The following EPB41L4A variants were observed in gnomAD, a reference collection of about 807,000 sequenced individuals.
EPB41L4A encodes erythrocyte membrane protein band 4.1 like 4A.
In EPB41L4A, 100 loss-of-function variants were observed where a neutral mutation model predicts 108.6. That is an observed-to-expected ratio of 0.92 (90% CI 0.78 to 1.09). The LOEUF is 1.09. Ranked by LOEUF, EPB41L4A falls within the 50% of genes least tolerant of loss-of-function variation. EPB41L4A has a pLI of 0.00. For synonymous variants in EPB41L4A, 319 were observed against 289.0 expected, an observed-to-expected ratio of 1.10 and a Z score of -1.05; for missense variants, 1,030 against 842.7, an observed-to-expected ratio of 1.22 and a Z score of -2.75.
chr5:112,289,021 T>G (rs1317114418), intron 2 of EPB41L4A, among the ~76,000 whole-genome samples: 2 of 152,160 alleles, frequency 1.3e-5, no homozygotes, highest in African/African-American at 4.8e-5. Context: ...AAATAATTTT[T>G]GGTCAGAGGA....
chr5:112,281,432 G>C (rs1752958613), intron 2 of EPB41L4A, among the ~76,000 whole-genome samples: 1 of 152,220 alleles, frequency 6.6e-6, no homozygotes, highest in South Asian at 2.1e-4. Flanking sequence ...GAAGCACAGA[G>C]GGCACTGGAG....
At chr5:112,359,696 A>G (rs1375610369) in intron 1 of EPB41L4A, among the ~76,000 whole-genome samples, 1 of 151,906 alleles carries the variant, frequency 6.6e-6, no homozygotes, top group Non-Finnish European at 1.5e-5. Flanking sequence ...GCCTGCCACC[A>G]CGCCCAGCTA....
intron 1 of EPB41L4A, among the ~76,000 whole-genome samples, chr5:112,382,685 G>T (rs886794813): frequency 8.5e-5 from 13 of 152,146 alleles, no homozygotes. Context: ...GATGTGGGAG[G>T]GTTGGGGGAA....
chr5:112,180,277 A>G (rs956652047), intron 18 of EPB41L4A, among the ~76,000 whole-genome samples: 3 of 152,226 alleles, frequency 2.0e-5, no homozygotes, highest in African/African-American at 7.2e-5. Context: ...ACAATCTTGC[A>G]TAAAGGGGGA....
chr5:112,250,651 G>A (rs1235575167), intron 9 of EPB41L4A: 1 of 152,144 alleles, frequency 6.6e-6, no homozygotes, highest in Non-Finnish European at 1.5e-5. Flanking sequence ...TGGCCCATGT[G>A]TTTCAATTAT....
intron 1 of EPB41L4A, among the ~76,000 whole-genome samples, chr5:112,398,979 A>C (rs1467128489): frequency 2.0e-5 from 3 of 152,192 alleles, no homozygotes; most frequent in African/African-American, 7.2e-5. Flanking sequence ...AGAGCCAGAG[A>C]AATGAGAAGT....
chr5:112,298,757 A>T (rs990053620), intron 2 of EPB41L4A, among the ~76,000 whole-genome samples: 4 of 152,126 alleles, frequency 2.6e-5, no homozygotes, highest in African/African-American at 9.7e-5. Context: ...GCAGAATTCA[A>T]CTTGAATCCA....
intron 12 of EPB41L4A, among the ~76,000 whole-genome samples, chr5:112,156,485 CTTT>C (rs1228172428): frequency 7.2e-6 from 1 of 138,094 alleles, no homozygotes; most frequent in African/African-American, 3.6e-5. Flanking sequence ...CAAGCGAATC[CTTT>C]CTTTATCCCG....
Position 112,313,036 on chromosome 5 carries a change from ATT to A in EPB41L4A, c.100-5548_100-5547del, listed in dbSNP as rs368318077. On this transcript the variant is annotated intron_variant, in intron 1 of 22. Transcript: ENST00000261486. ...CATGACTTCATTCATTGAAATATTTATTTATTTATTGCCTAATACCAGCAAAT... is the reference window on the plus strand; with the variant it reads ...CATGACTTCATTCATTGAAATATTTATATTTATTGCCTAATACCAGCAAAT... Among the ~76,000 whole-genome samples, 25 of 152,336 alleles carry A rather than the reference ATT, an allele frequency of 1.6e-4. No individual in the cohort carries two copies. The South Asian group carries it at 2.3e-3, about 14-fold the overall frequency.
chr5:112,387,490 A>G (rs1041804810), intron 1 of EPB41L4A, among the ~76,000 whole-genome samples: 2 of 152,126 alleles, frequency 1.3e-5, no homozygotes, highest in African/African-American at 4.8e-5. Flanking sequence ...TTAGCCAGGC[A>G]TGGTGGCAGG....
At chr5:112,190,033 C>T (rs906875538) in intron 17 of EPB41L4A, among the ~76,000 whole-genome samples, 3 of 152,150 alleles carry the variant, frequency 2.0e-5, no homozygotes, top group African/African-American at 7.2e-5. Flanking sequence ...AAGCGAGCTG[C>T]TGGCCCTTCT....
At chr5:112,361,022 C>G (rs1163172997) in intron 1 of EPB41L4A, among the ~76,000 whole-genome samples, 1 of 152,166 alleles carries the variant, frequency 6.6e-6, no homozygotes, top group East Asian at 1.9e-4. Flanking sequence ...GAGAGGTGTA[C>G]CCAACAGCTC....
intron 1 of EPB41L4A, among the ~76,000 whole-genome samples, chr5:112,373,017 C>T (rs1413446012): frequency 3.3e-5 from 5 of 152,148 alleles, no homozygotes; most frequent in African/African-American, 7.2e-5. Flanking sequence ...AGAGCAATCG[C>T]TATTTAGCAA....
intron 1 of EPB41L4A, among the ~76,000 whole-genome samples, chr5:112,346,866 T>C (rs1757710284): frequency 6.6e-6 from 1 of 152,226 alleles, no homozygotes; most frequent in African/African-American, 2.4e-5. Context: ...GCAATGGCTT[T>C]GAAAGAGGTG....
chr5:112,171,547 G>GCTCA (rs1760581972), intron 18 of EPB41L4A, among the ~76,000 whole-genome samples: 1 of 152,196 alleles, frequency 6.6e-6, no homozygotes, highest in Non-Finnish European at 1.5e-5. Context: ...AGTGGCCTTG[G>GCTCA]CTCATGCTGC....
intron 12 of EPB41L4A, among the ~76,000 whole-genome samples, chr5:112,151,832 G>A (rs1157487720): frequency 6.6e-6 from 1 of 151,980 alleles, no homozygotes; most frequent in Non-Finnish European, 1.5e-5. Flanking sequence ...CCGGATTCAA[G>A]CTATTCTCCC....
chr5:112,174,433 C>T (rs1204520045), intron 18 of EPB41L4A, among the ~76,000 whole-genome samples: 3 of 152,106 alleles, frequency 2.0e-5, no homozygotes, highest in East Asian at 3.9e-4. Flanking sequence ...TCCATAGGTA[C>T]GACATATATA....
At position 112,234,563 on chromosome 5, in the gene EPB41L4A, G is replaced by A. The variant is rs1274060337; in HGVS notation, c.1087+71C>T. 16 of 1,472,806 alleles carry A rather than the reference G, an allele frequency of 1.1e-5. No homozygotes were observed. The East Asian group carries it at 1.2e-4, about 11-fold the overall frequency. 91.2% of individuals were successfully genotyped at this position (1,472,806 alleles called of 1,614,324 possible). A position where few individuals can be genotyped will look rare whatever the true frequency, so the allele number is the denominator to read the frequency against. ...GACTGTAGAGTTATAGACATCACCT[G>A]AGTATATCTTACACTACCAGCCTAA... On this transcript the variant is annotated intron_variant, in intron 12 of 22. Transcript: ENST00000261486.
chr5:112,407,435 A>C (rs929967910), intron 1 of EPB41L4A, among the ~76,000 whole-genome samples: 3 of 152,156 alleles, frequency 2.0e-5, no homozygotes, highest in African/African-American at 7.2e-5. Flanking sequence ...GTTGAAAGGA[A>C]GTCATGGAGG....
Sources: allele counts gnomAD v4.1 joint callset (sites outside exome capture counted in the v4.1 genomes callset), GRCh38; gene constraint gnomAD v4.1.1; transcripts MANE v1.5; gene names NCBI Gene and HGNC (gene_info 2026-07-23, HGNC 2026-07-21).